Variants in MYOM1 observed in about 807,000 individuals in gnomAD.
MYOM1 encodes the protein myomesin-1.
In MYOM1, 164 loss-of-function variants were observed where a neutral mutation model predicts 205.3. The observed-to-expected ratio is 0.80, with a 90% CI of 0.70 to 0.91. MYOM1 has a LOEUF of 0.91. MYOM1 is among the 40% of genes least tolerant of loss of function. The pLI is 0.00. For synonymous variants in MYOM1, 772 were observed against 789.4 expected (o/e 0.98, Z 0.37); for missense variants, 2,011 against 2,127.3 (o/e 0.95, Z 1.08).
intron 22 of MYOM1, among the ~76,000 whole-genome samples, chr18:3,106,298 T>C (rs897905422): frequency 6.6e-6 from 1 of 152,212 alleles, no homozygotes; most frequent in Non-Finnish European, 1.5e-5. Flanking sequence ...GTAAAGCATT[T>C]CGAGATCTTT....
At chr18:3,146,394 C>T (rs1403975487) in intron 13 of MYOM1, among the ~76,000 whole-genome samples, 1 of 152,176 alleles carries the variant, frequency 6.6e-6, no homozygotes, top group East Asian at 1.9e-4. Flanking sequence ...AAGGATAACA[C>T]AGCATAACAT....
In MYOM1 at chr18:3,187,485, G is replaced by A; in HGVS notation, c.924C>T (p.Val308=). 1 of 1,613,284 alleles carries A rather than the reference G, an allele frequency of 6.2e-7. No homozygotes were observed. The highest frequency in any genetic ancestry group is 8.5e-7 in the Non-Finnish European group (1 of 1,179,462). Residue 308 remains valine (V), a synonymous_variant, in exon 5 of 38, where the codon GTC becomes GTT. Transcript: ENST00000356443. ...CSIAGWPEPR[V]TWYKNQVPIN... ...CTTTCATAAAGATAACATACCACGT[G>A]ACACGAGGTTCTGGCCAGCCTGCTA... is the stretch of plus-strand genomic sequence containing the variant.
chr18:3,070,781 T>TGCAC (rs1782081128), intron 37 of MYOM1, among the ~76,000 whole-genome samples: 1 of 149,294 alleles, frequency 6.7e-6, no homozygotes, highest in Non-Finnish European at 1.5e-5. Flanking sequence ...TGTGCACGTG[T>TGCAC]GTGTGTTTGT....
chr18:3,120,962 A>C (rs1412552614), intron 19 of MYOM1, among the ~76,000 whole-genome samples: 1 of 152,252 alleles, frequency 6.6e-6, no homozygotes, highest in Non-Finnish European at 1.5e-5. Context: ...TGTGACCGAC[A>C]AGAGATGGAA....
At chr18:3,113,875 T>G (rs1485364638) in intron 21 of MYOM1, among the ~76,000 whole-genome samples, 4 of 152,210 alleles carry the variant, frequency 2.6e-5, no homozygotes, top group African/African-American at 9.6e-5. Context: ...TGTGAAGTGT[T>G]TGTGACCATG....
intron 14 of MYOM1, among the ~76,000 whole-genome samples, chr18:3,138,499 C>T (rs1008253310): frequency 3.9e-5 from 6 of 152,112 alleles, no homozygotes; most frequent in South Asian, 4.1e-4. Flanking sequence ...TTCTATGAAA[C>T]GAGCAAATTT....
rs1185713797 is a variant in MYOM1, at chr18:3,135,637, A to G, written c.2119T>C (p.Ser707Pro). ...FALFDLAEGKSYCFRVRCSNS... is the reference protein window; with the variant it reads ...FALFDLAEGKPYCFRVRCSNS... ...GAACAGCGGACACGGAAACAGTAGGATTTCCCCTCGGCCAAGTCAAACAGA... is the reference window on the plus strand; with the variant it reads ...GAACAGCGGACACGGAAACAGTAGGGTTTCCCCTCGGCCAAGTCAAACAGA... The change falls in exon 15 of 38, where the codon TCC becomes CCC. Residue 707 changes from serine (S) to proline (P), a missense_variant. Ser to Pro is a moderately conservative substitution (Grantham distance 74, BLOSUM62 -1). Transcript: ENST00000356443. This position sits in a 1 kb window ranked among gnomAD's most constrained non-coding sequence, Gnocchi z 4.1. The G allele has an allele frequency of 2.5e-6, 4 of 1,613,774 alleles. No individual in the cohort carries two copies. In the African/African-American group the frequency reaches 5.3e-5, roughly 22 times the overall value.
At chr18:3,207,005 TAA>T (rs1179252472) in intron 2 of MYOM1, among the ~76,000 whole-genome samples, 22 of 152,148 alleles carry the variant, frequency 1.4e-4, no homozygotes, top group South Asian at 1.0e-3. Context: ...CAGTTTTTTT[TAA>T]AAAAAACTAT....
intron 19 of MYOM1, among the ~76,000 whole-genome samples, chr18:3,124,179 GT>G (rs1276011895): frequency 6.6e-6 from 1 of 151,296 alleles, no homozygotes; most frequent in African/African-American, 2.4e-5. Context: ...GTCACCCACT[GT>G]TACACAAACA....
At chr18:3,067,627 G>C in intron 37 of MYOM1, 72 bp from the exon 38 acceptor site, 2 of 1,518,772 alleles carry the variant, frequency 1.3e-6, no homozygotes, top group Non-Finnish European at 1.8e-6. Context: ...CAATCTTGCC[G>C]GCTGGTGGCT....
At chr18:3,185,924 G>A (rs925231821) in intron 5 of MYOM1, among the ~76,000 whole-genome samples, 2 of 152,178 alleles carry the variant, frequency 1.3e-5, no homozygotes, top group Non-Finnish European at 2.9e-5. Flanking sequence ...AGCCAGGAGC[G>A]CTGGCTCACT....
Position 3,067,329 on chromosome 18 carries a change from A to G in MYOM1, c.4991T>C (p.Phe1664Ser). Residue 1664 changes from phenylalanine to serine, a missense_variant, in exon 38 of 38, where the codon TTC becomes TCC. By Grantham distance (155) the Phe-to-Ser change is radical (BLOSUM62 -2). Coordinates refer to ENST00000356443, the MANE Select transcript of MYOM1 (RefSeq NM_003803.4). ...CATCCTCGCCTCCTCCTCTGGGATG[A>G]ACACGCTGACGGTGAAGTCGCTGGT... The part of the protein sequence containing the change: ...SETSDFTVSV[F>S]IPEEEARMAA... The G allele has an allele frequency of 6.2e-7, 1 of 1,612,058 alleles. No individual in the cohort carries two copies. The highest frequency in any genetic ancestry group is 8.5e-7 in the Non-Finnish European group (1 of 1,179,824).
At chr18:3,198,693 G>C (rs1426886237) in intron 2 of MYOM1, among the ~76,000 whole-genome samples, 1 of 151,318 alleles carries the variant, frequency 6.6e-6, no homozygotes, top group Non-Finnish European at 1.5e-5. Context: ...CTGTGGCAGA[G>C]AACTGCTTCA....
rs78331937 is a variant in MYOM1, at chr18:3,072,350, C to CTT, written c.4709-463_4709-462dup. 8.5e-4 allele frequency among the ~76,000 whole-genome samples: 48 copies of CTT among 56,206 alleles called. 3 individuals are homozygous for CTT. The highest frequency in any genetic ancestry group is 2.5e-3 in the African/African-American group (27 of 10,708). The allele number at this position is 56,206 out of a possible 152,430, so 36.9% of individuals were successfully genotyped here. A position where few individuals can be genotyped will look rare whatever the true frequency, so the allele number is the denominator to read the frequency against. ...AGCAGGCGTGAGCCACCGCACCCGG[C>CTT]TTTTTTTTTTTTTTTTTTTTTGAGG... On this transcript the variant is annotated intron_variant, in intron 36 of 37. Transcript: ENST00000356443.
Position 3,164,291 on chromosome 18 carries a change from A to G in MYOM1, c.1488T>C (p.Tyr496=), listed in dbSNP as rs2144048486. 6.2e-7 allele frequency: 1 copy of G among 1,613,074 alleles called. No individual in the cohort carries two copies. The highest frequency in any genetic ancestry group is 8.5e-7 in the Non-Finnish European group (1 of 1,179,452). Residue 496 remains tyrosine (Y), a synonymous_variant, in exon 10 of 38, where the codon TAT becomes TAC. Transcript: ENST00000356443. The part of the protein sequence containing the change: ...MGEYYEQYSA[Y]VFVRDADAEI... ...GCTAGGACTTACCTCGAACAAAGAC[A>G]TAAGCACTATATTGTTCATAATATT...
At chr18:3,195,260 C>T (rs1433870178) in intron 2 of MYOM1, among the ~76,000 whole-genome samples, 4 of 152,250 alleles carry the variant, frequency 2.6e-5, no homozygotes, top group Non-Finnish European at 5.9e-5. Flanking sequence ...CTTCCTTCCC[C>T]ACTATCTACC....
intron 8 of MYOM1, 68 bp downstream of exon 8, chr18:3,173,870 T>G: frequency 7.1e-7 from 1 of 1,412,460 alleles, no homozygotes; most frequent in South Asian, 1.2e-5. Context: ...ATTTCAGCAT[T>G]ATGGGCTAAC....
chr18:3,114,615 C>A (rs954984744), intron 21 of MYOM1, among the ~76,000 whole-genome samples: 5 of 143,444 alleles, frequency 3.5e-5, no homozygotes, highest in African/African-American at 1.3e-4. Context: ...AACTCCTGGG[C>A]TCAAGTGATT....
chr18:3,169,276 AT>A (rs1313717148), intron 8 of MYOM1, among the ~76,000 whole-genome samples: 1 of 152,228 alleles, frequency 6.6e-6, no homozygotes, highest in Non-Finnish European at 1.5e-5. Flanking sequence ...TTAATACCAC[AT>A]TTAGCCTAGA....
Sources: gnomAD v4.1 joint callset for allele counts (sites outside exome capture counted in the v4.1 genomes callset) on GRCh38, gnomAD v4.1.1 for gene constraint, Gnocchi (gnomAD v3.1) non-coding constraint, MANE v1.5 for transcripts, NCBI Gene and HGNC (gene_info 2026-07-23, HGNC 2026-07-21) for gene names.